The following TRPM6 variants were observed in gnomAD, a reference collection of about 807,000 sequenced individuals.
The protein encoded by TRPM6 is channel kinase 2.
A neutral mutation model predicts 247.6 loss-of-function variants in TRPM6; 111 were observed. The observed-to-expected ratio is 0.45, with a 90% CI of 0.38 to 0.52. TRPM6 has a LOEUF of 0.52. Among genes scored for constraint, TRPM6 ranks in the 20% least tolerant of loss-of-function variants. TRPM6 has a pLI of 0.00. For synonymous variants in TRPM6, 892 were observed against 853.8 expected, an observed-to-expected ratio of 1.04 and a Z score of -0.78; for missense variants, 2,126 against 2,421.5, an observed-to-expected ratio of 0.88 and a Z score of 2.56.
chr9:74,740,160 T>A (rs1172538074), intron 33 of TRPM6, 151 bp from the exon 34 acceptor site: 3 of 886,158 alleles, frequency 3.4e-6, no homozygotes, highest in Non-Finnish European at 1.8e-6. Context: ...TAAGGACATG[T>A]ATCAGGCTGG....
At chr9:74,886,099 G>A (rs897075461) in intron 1 of TRPM6, among the ~76,000 whole-genome samples, 93 of 152,208 alleles carry the variant, frequency 6.1e-4, no homozygotes, top group African/African-American at 9.6e-5. Flanking sequence ...CATATTGCAC[G>A]ATTCTTTCCC....
At chr9:74,747,366 A>T (rs1826084435) in intron 31 of TRPM6, among the ~76,000 whole-genome samples, 1 of 152,250 alleles carries the variant, frequency 6.6e-6, no homozygotes, top group South Asian at 2.1e-4. Context: ...AAGAACACAG[A>T]AGATGAAGGT....
In TRPM6 at chr9:74,782,744, G is replaced by A. The variant is rs1227113395; in HGVS notation, c.3029C>T (p.Ala1010Val). 6.2e-7 allele frequency: 1 copy of A among 1,614,104 alleles called. No homozygotes were observed. The highest frequency in any genetic ancestry group is 2.2e-5 in the East Asian group (1 of 44,872). The change falls in exon 22 of 39, where the codon GCT becomes GTT. Residue 1010 changes from alanine to valine, a missense_variant. By Grantham distance (64) the Ala-to-Val change is moderately conservative. Transcript: ENST00000360774. ...SPKEPPSWSL[A>V]RDIVFEPYWM... is the part of the protein sequence containing the mutation. ...GTATGGCTCAAATACAATATCTCGA[G>A]CTAGACTCCAAGATGGTGGCTCTTT... is the stretch of plus-strand genomic sequence containing the variant.
chr9:74,749,984 A>C (rs1352501330), intron 30 of TRPM6, among the ~76,000 whole-genome samples: 1 of 152,224 alleles, frequency 6.6e-6, no homozygotes, highest in Non-Finnish European at 1.5e-5. Context: ...TAATGTGATG[A>C]TGCAACTAGG....
At chr9:74,784,346 T>A (rs7018938) in intron 21 of TRPM6, among the ~76,000 whole-genome samples, 63,584 of 151,802 alleles carry the variant, frequency 0.42, 13,645 homozygotes, top group African/African-American at 0.5. Flanking sequence ...AGACTGGAGC[T>A]AGGTGGCCCA....
chr9:74,824,511 G>GAAAAAAAAAAAAAAAAAA (rs59044061), intron 7 of TRPM6, among the ~76,000 whole-genome samples: 1 of 46,966 alleles, frequency 2.1e-5, no homozygotes. Context: ...GGCTTTTTCT[G>GAAAAAAAAAAAAAAAAAA]AAAAAAAAAA....
chr9:74,843,604 C>T (rs1209490532), intron 3 of TRPM6, among the ~76,000 whole-genome samples: 2 of 151,214 alleles, frequency 1.3e-5, no homozygotes, highest in East Asian at 1.9e-4. Flanking sequence ...GTCAGGAGAT[C>T]GAGACCATCC....
At chr9:74,864,819 C>A (rs1830793060) in intron 1 of TRPM6, among the ~76,000 whole-genome samples, 1 of 152,244 alleles carries the variant, frequency 6.6e-6, no homozygotes, top group Admixed American at 6.5e-5. Context: ...ATGCCTGAAT[C>A]CCTGTACTTT....
At chr9:74,859,203 G>A (rs1240096010) in intron 1 of TRPM6, among the ~76,000 whole-genome samples, 1 of 152,156 alleles carries the variant, frequency 6.6e-6, no homozygotes, top group Non-Finnish European at 1.5e-5. Flanking sequence ...ATGTGACTCA[G>A]CAAGATTCGA....
At chr9:74,812,094 T>C (rs1384119514) in intron 12 of TRPM6, among the ~76,000 whole-genome samples, 1 of 152,222 alleles carries the variant, frequency 6.6e-6, no homozygotes, top group Non-Finnish European at 1.5e-5. Context: ...TTAACATGTA[T>C]GCATTTTGAA....
intron 38 of TRPM6, among the ~76,000 whole-genome samples, chr9:74,726,504 C>CTAA (rs1486915368): frequency 1.3e-5 from 2 of 152,112 alleles, no homozygotes; most frequent in African/African-American, 2.4e-5. Flanking sequence ...GAGCAAAACT[C>CTAA]TGTCTCAAAA....
chr9:74,802,736 T>G (rs1018326860), intron 15 of TRPM6, among the ~76,000 whole-genome samples: 4 of 152,242 alleles, frequency 2.6e-5, no homozygotes, highest in Non-Finnish European at 5.9e-5. Context: ...AATAGATTGA[T>G]TTGAAGTTTC....
In TRPM6 at chr9:74,776,084, A is replaced by G. The variant is rs1295504367; in HGVS notation, c.3210-8T>C. The G allele has an allele frequency of 1.2e-6, 2 of 1,609,514 alleles. No individual in the cohort carries two copies. ...ATATCTAAGTAAACGTTGCTGTAAG[A>G]TGAAGTAAGAGAGGGACAATGTTTT... On this transcript the variant is annotated splice_region_variant and splice_polypyrimidine_tract_variant and intron_variant, in intron 23 of 38. Transcript: ENST00000360774.
At chr9:74,770,450 C>G (rs62569674) in intron 25 of TRPM6, among the ~76,000 whole-genome samples, 1,879 of 152,266 alleles carry the variant, frequency 0.012, 15 homozygotes, top group Admixed American at 0.023. Context: ...TCACACGATG[C>G]CATGCACCCA....
chr9:74,824,652 G>T (rs1829267167), intron 7 of TRPM6, among the ~76,000 whole-genome samples: 1 of 151,902 alleles, frequency 6.6e-6, no homozygotes. Flanking sequence ...CCCAGGGTGA[G>T]GCAGGAATAC....
At chr9:74,879,783 C>T (rs1456673951) in intron 1 of TRPM6, among the ~76,000 whole-genome samples, 3 of 152,158 alleles carry the variant, frequency 2.0e-5, no homozygotes, top group African/African-American at 7.2e-5. Flanking sequence ...TGCATCTCTT[C>T]ATCTATATCC....
At chr9:74,823,354 C>G (rs1288905709) in intron 7 of TRPM6, among the ~76,000 whole-genome samples, 1 of 152,174 alleles carries the variant, frequency 6.6e-6, no homozygotes, top group Non-Finnish European at 1.5e-5. Context: ...TCTGGCCTTC[C>G]AGCTATATGT....
intron 1 of TRPM6, among the ~76,000 whole-genome samples, chr9:74,869,410 C>T (rs573281811): frequency 4.1e-4 from 61 of 150,230 alleles, no homozygotes; most frequent in African/African-American, 1.3e-3. Context: ...GCGGAGGTAA[C>T]GCCACTGCAC....
chr9:74,820,565 G>T, intron 8 of TRPM6, 138 bp from the exon 9 acceptor site: 1 of 1,040,054 alleles, frequency 9.6e-7, no homozygotes, highest in Non-Finnish European at 1.4e-6. Context: ...CAAATGAGGG[G>T]GAGCAAACGG....
Sources: allele counts gnomAD v4.1 joint callset (sites outside exome capture counted in the v4.1 genomes callset), GRCh38; gene constraint gnomAD v4.1.1; transcripts MANE v1.5; gene names NCBI Gene and HGNC (gene_info 2026-07-23, HGNC 2026-07-21).